FKRP: variants seen among roughly 807,000 people sequenced by gnomAD.
FKRP encodes the protein fukutin related protein.
FKRP carries 25 observed loss-of-function variants against 30.6 expected under a neutral mutation model. The ratio of observed to expected loss-of-function variants is 0.82; its 90% CI spans 0.60 to 1.14. FKRP has a LOEUF of 1.14. Among genes scored for constraint, FKRP ranks in the 50% most tolerant of loss-of-function variants. The pLI, the probability that FKRP is intolerant of heterozygous loss-of-function variation, is 0.00. For missense variants in FKRP, 771 were observed against 727.8 expected, an observed-to-expected ratio of 1.06 and a Z score of -0.68; for synonymous variants, 358 against 342.5, an observed-to-expected ratio of 1.05 and a Z score of -0.50.
intron 3 of FKRP, among the ~76,000 whole-genome samples, chr19:46,752,250 A>C (rs960085476): frequency 6.6e-6 from 1 of 152,258 alleles, no homozygotes; most frequent in African/African-American, 2.4e-5. Context: ...AACAGACCAC[A>C]GGAACAGAAG....
At position 46,756,712 on chromosome 19, in the gene FKRP, AC is replaced by A. The variant is rs886044083; in HGVS notation, c.1267del (p.Arg423AlafsTer5). The A allele has an allele frequency of 6.2e-7, 1 of 1,611,762 alleles. No homozygotes were observed. The highest frequency in any genetic ancestry group is 1.1e-5 in the South Asian group (1 of 90,614). Reference sequence around the variant, plus strand: ...TTGCACGTGGACCTGTGGCCCTTCTACCCCCGCAATGGCGTCATGACCAAGG... The same window carrying A: ...TTGCACGTGGACCTGTGGCCCTTCTACCCCGCAATGGCGTCATGACCAAGG... ...NHLHVDLWPF[Y>X]PRNGVMTKDT... On this transcript the variant is annotated frameshift_variant, in exon 4 of 4. Transcript: ENST00000318584. LOFTEE classifies it high-confidence loss of function. The surrounding 1 kb of genome is among the most constrained non-coding windows in gnomAD (Gnocchi z 6.6).
chr19:46,755,276 G>A, intron 3 of FKRP, 136 bp from the exon 4 acceptor site: 1 of 627,964 alleles, frequency 1.6e-6, no homozygotes, highest in Non-Finnish European at 2.7e-6. Flanking sequence ...TGGAGAAGGG[G>A]AAGTCAAAGC....
chr19:46,754,114 G>A (rs1353340076), intron 3 of FKRP: 2 of 152,094 alleles, frequency 1.3e-5, no homozygotes, highest in Admixed American at 1.3e-4. Flanking sequence ...TGAGTGCAGT[G>A]GCATGATCAT....
rs570655286 is a variant in FKRP at position 46,758,483 on chromosome 19, T to C, written c.*1545T>C. 2.5e-4 allele frequency: 42 copies of C among 166,976 alleles called. No individual in the cohort carries two copies. Among genetic ancestry groups the C allele is most frequent in the South Asian group, 8.3e-4 (4 of 4,818 alleles). 10.3% of individuals were successfully genotyped at this position (166,976 alleles called of 1,614,324 possible). A position where few individuals can be genotyped will look rare whatever the true frequency, so the allele number is the denominator to read the frequency against. On this transcript the variant is annotated 3_prime_UTR_variant, in exon 4 of 4. Coordinates refer to ENST00000318584, the MANE Select transcript of FKRP (RefSeq NM_024301.5). ...AAGCTTAAATTATTCCATTTTAAAA[T>C]TATGAATATGAATAGGGTTTTTTTT...
At chr19:46,751,428 G>T (rs903322913) in intron 3 of FKRP, among the ~76,000 whole-genome samples, 1 of 152,014 alleles carries the variant, frequency 6.6e-6, no homozygotes, top group African/African-American at 2.4e-5. Context: ...GCCCAGGCTG[G>T]AGTACAATGG....
chr19:46,746,500 C>A (rs1370510889), intron 1 of FKRP: 2 of 854,914 alleles, frequency 2.3e-6, no homozygotes, highest in Non-Finnish European at 2.8e-6. Context: ...AACACCCCCC[C>A]CCCTCCCCCG....
At chr19:46,748,187 TTC>T (rs1440604916) in intron 2 of FKRP, 99 bp downstream of exon 2, 1 of 152,244 alleles carries the variant, frequency 6.6e-6, no homozygotes, top group African/African-American at 2.4e-5. Flanking sequence ...TTTTCTTTCT[TTC>T]TTTTTTGAGA....
intron 3 of FKRP, among the ~76,000 whole-genome samples, chr19:46,754,649 C>T (rs979090065): frequency 1.4e-4 from 21 of 151,868 alleles, no homozygotes; most frequent in African/African-American, 5.1e-4. Context: ...CTGTGTTGCC[C>T]AGGCTGGAGT....
At chr19:46,746,429 A>T in intron 1 of FKRP, 7 of 1,013,746 alleles carry the variant, frequency 6.9e-6, no homozygotes, top group Non-Finnish European at 8.2e-6. Flanking sequence ...CTCCTCCATC[A>T]TGGAGGCCCC....
intron 3 of FKRP, chr19:46,754,308 GA>G (rs1209303847): frequency 2.0e-5 from 3 of 151,686 alleles, no homozygotes; most frequent in Non-Finnish European, 4.4e-5. Context: ...AAATTGCTGG[GA>G]TCACAGGTGT....
chr19:46,746,043 G>GGCGGC, upstream of FKRP: 7 of 1,161,888 alleles, frequency 6.0e-6, no homozygotes, highest in Non-Finnish European at 5.5e-6. Flanking sequence ...CCCCCCGCCG[G>GGCGGC]CCGTCCCGGC....
chr19:46,749,006 G>A (rs2054732193), intron 3 of FKRP: 1 of 152,214 alleles, frequency 6.6e-6, no homozygotes, highest in South Asian at 2.1e-4. Context: ...GCCTCCCAAA[G>A]TACTGAGATT....
At chr19:46,753,942 G>T (rs1485158114) in intron 3 of FKRP, 1 of 152,268 alleles carries the variant, frequency 6.6e-6, no homozygotes, top group Non-Finnish European at 1.5e-5. Context: ...CAAATCTTCA[G>T]TCTCGGTGGG....
In FKRP at chr19:46,756,090, C is replaced by A; in HGVS notation, c.640C>A (p.Leu214Met). ...CGACCTCTTCAACCTCTCGGCGCCCCTGGCCCGGCCGGTGGGCACCAGCCT... is the reference window on the plus strand; with the variant it reads ...CGACCTCTTCAACCTCTCGGCGCCCATGGCCCGGCCGGTGGGCACCAGCCT... ...ARDLFNLSAPLARPVGTSLFL... is the reference protein window; with the variant it reads ...ARDLFNLSAPMARPVGTSLFL... Residue 214 changes from leucine (L) to methionine (M), a missense_variant, in exon 4 of 4, where the codon CTG becomes ATG. Physicochemically the swap from Leu to Met is conservative, Grantham distance 15. Coordinates refer to ENST00000318584, the MANE Select transcript of FKRP (RefSeq NM_024301.5). This position sits in a 1 kb window ranked among gnomAD's most constrained non-coding sequence, Gnocchi z 6.6. 1 of 1,542,664 alleles carries A rather than the reference C, an allele frequency of 6.5e-7. No individual in the cohort carries two copies. Among genetic ancestry groups the A allele is most frequent in the East Asian group, 2.5e-5 (1 of 40,428 alleles).
Position 46,757,001 on chromosome 19 carries a change from A to G in FKRP, c.*63A>G. 1.3e-6 allele frequency: 2 copies of G among 1,596,732 alleles called. No individual in the cohort carries two copies. The highest frequency in any genetic ancestry group is 4.5e-5 in the East Asian group (2 of 44,608). On this transcript the variant is annotated 3_prime_UTR_variant, in exon 4 of 4. Transcript: ENST00000318584. ...TCTGGATGTGGAGAAGCTCTGTGTGAGCGGTGAGGGGTGGAGGGATGTCGC... is the reference window on the plus strand; with the variant it reads ...TCTGGATGTGGAGAAGCTCTGTGTGGGCGGTGAGGGGTGGAGGGATGTCGC...
chr19:46,745,563 C>T (rs115320369), upstream of FKRP, among the ~76,000 whole-genome samples: 500 of 152,246 alleles, frequency 3.3e-3, 3 homozygotes, highest in African/African-American at 0.011. Flanking sequence ...TAAATCCTCC[C>T]GGTTCCCCAT....
chr19:46,756,503 C>T lies in FKRP; in HGVS notation c.1053C>T (p.Ala351=). The T allele has an allele frequency of 6.4e-7, 1 of 1,573,434 alleles. No individual in the cohort carries two copies. Among genetic ancestry groups the T allele is most frequent in the Non-Finnish European group, 8.6e-7 (1 of 1,160,878 alleles). The change falls in exon 4 of 4, where the codon GCC becomes GCT. Residue 351 remains alanine (A), a synonymous_variant. Coordinates refer to ENST00000318584, the MANE Select transcript of FKRP (RefSeq NM_024301.5). The surrounding 1 kb of genome is among the most constrained non-coding windows in gnomAD (Gnocchi z 6.6). ...WLEGGSLLGA[A]RHGDIIPWDY... Reference sequence around the variant, plus strand: ...AGGGCGGCTCACTGCTGGGGGCCGCCCGCCACGGGGACATCATCCCATGGG... The same window carrying T: ...AGGGCGGCTCACTGCTGGGGGCCGCTCGCCACGGGGACATCATCCCATGGG...
rs768762059 is a variant in FKRP at position 46,756,013 on chromosome 19, C to T, written c.563C>T (p.Ala188Val). Residue 188 changes from alanine to valine, a missense_variant, in exon 4 of 4, where the codon GCG becomes GTG. Coordinates refer to ENST00000318584, the MANE Select transcript of FKRP (RefSeq NM_024301.5). This position sits in a 1 kb window ranked among gnomAD's most constrained non-coding sequence, Gnocchi z 6.6. ...GCCCGCTATGGCGCAGCCCCCGCCG[C>T]GCCCCGCTGCGACGCCCTGGACGGA... Reference protein sequence around the residue: ...WTARYGAAPAAPRCDALDGDA... With the variant: ...WTARYGAAPAVPRCDALDGDA... The T allele has an allele frequency of 1.8e-5, 28 of 1,568,752 alleles. No homozygotes were observed. The highest frequency in any genetic ancestry group is 9.5e-5 in the African/African-American group (7 of 73,480).
chr19:46,757,531 C>CA lies in FKRP; in HGVS notation c.*594dup, dbSNP rs2054953510. ...TGGCCCACTGTGGCTGCCCGGGCGA[C>CA]AGTACGCCCAGGGCCTGTGTTCCAT... is the stretch of plus-strand genomic sequence containing the variant. On this transcript the variant is annotated 3_prime_UTR_variant, in exon 4 of 4. Coordinates refer to ENST00000318584, the MANE Select transcript of FKRP (RefSeq NM_024301.5). The CA allele has an allele frequency of 5.6e-6, 1 of 177,450 alleles. No homozygotes were observed. The highest frequency in any genetic ancestry group is 2.4e-5 in the African/African-American group (1 of 41,570). The allele number at this position is 177,450 out of a possible 1,614,324, so 11.0% of individuals were successfully genotyped here. A position where few individuals can be genotyped will look rare whatever the true frequency, so the allele number is the denominator to read the frequency against.
Sources: allele counts gnomAD v4.1 joint callset (sites outside exome capture counted in the v4.1 genomes callset), GRCh38; gene constraint gnomAD v4.1.1; non-coding constraint Gnocchi (gnomAD v3.1); transcripts MANE v1.5; gene names NCBI Gene and HGNC (gene_info 2026-07-23, HGNC 2026-07-21).